The following GALNT17 variants were observed in gnomAD, a reference collection of about 807,000 sequenced individuals.
The protein encoded by GALNT17 is UDP-GalNAc:polypeptide N-acetylgalactosaminyltransferase-like 3.
Under a neutral mutation model 63.7 loss-of-function variants are expected in GALNT17, and 29 were observed. The observed-to-expected ratio is 0.46, with a 90% CI of 0.34 to 0.62. GALNT17 has a LOEUF of 0.62. Ranked by LOEUF, GALNT17 falls within the 20% of genes least tolerant of loss-of-function variation. The pLI is 0.01. For missense variants in GALNT17, 603 were observed against 799.6 expected (o/e 0.75, Z 2.97); for synonymous variants, 305 against 318.3 (o/e 0.96, Z 0.45).
chr7:71,140,538 C>T (rs1787868871), intron 1 of GALNT17, among the ~76,000 whole-genome samples: 3 of 152,170 alleles, frequency 2.0e-5, no homozygotes, highest in Admixed American at 2.0e-4. Flanking sequence ...CAGTGTCATT[C>T]TTGCTGAAGA....
intron 9 of GALNT17, among the ~76,000 whole-genome samples, chr7:71,706,331 G>A (rs1486272173): frequency 6.6e-6 from 1 of 152,114 alleles, no homozygotes; most frequent in Non-Finnish European, 1.5e-5. Context: ...GGCATTCTAG[G>A]TCTCATTGTT....
In GALNT17 at chr7:71,541,076, T is replaced by TA. The variant is rs553094056; in HGVS notation, c.963-30199dup. On this transcript the variant is annotated intron_variant, in intron 5 of 10. Coordinates refer to ENST00000333538, the MANE Select transcript of GALNT17 (RefSeq NM_022479.3). The stretch of plus-strand genomic sequence containing the variant: ...CAATATGGTGAAACCTCGTCTCTAC[T>TA]AAAAAAAAAATACAAAAATTAGCTG... Among the ~76,000 whole-genome samples the TA allele has an allele frequency of 2.8e-3, 411 of 148,454 alleles. 2 individuals carry two copies. The East Asian group carries it at 0.03, about 11-fold the overall frequency.
intron 5 of GALNT17, among the ~76,000 whole-genome samples, chr7:71,519,369 C>T (rs1466243819): frequency 1.3e-5 from 2 of 152,236 alleles, no homozygotes; most frequent in Non-Finnish European, 2.9e-5. Context: ...CTTTCACCTA[C>T]ACCACAAGTA....
At chr7:71,503,345 A>G (rs761541817) in intron 5 of GALNT17, among the ~76,000 whole-genome samples, 2 of 152,116 alleles carry the variant, frequency 1.3e-5, no homozygotes, top group African/African-American at 2.4e-5. Context: ...GGTTCAAGCT[A>G]TTCTCCTGCC....
At chr7:71,368,444 C>T (rs1335344141) in intron 2 of GALNT17, among the ~76,000 whole-genome samples, 2 of 152,244 alleles carry the variant, frequency 1.3e-5, no homozygotes, top group Non-Finnish European at 2.9e-5. Flanking sequence ...CTGTCTCCCC[C>T]TTTGCAGGCC....
intron 9 of GALNT17, among the ~76,000 whole-genome samples, chr7:71,697,401 G>C (rs1562740554): frequency 6.6e-6 from 1 of 152,102 alleles, no homozygotes; most frequent in Non-Finnish European, 1.5e-5. Context: ...GCAGGAATCG[G>C]AGGACATGCA....
Position 71,700,803 on chromosome 7 carries a change from C to T in GALNT17, c.1501-9958C>T, listed in dbSNP as rs146408986. Among the ~76,000 whole-genome samples, 352 of 152,256 alleles carry T rather than the reference C, an allele frequency of 2.3e-3. 4 individuals are homozygous for T. Among genetic ancestry groups the T allele is most frequent in the South Asian group, 3.1e-3 (15 of 4,818 alleles). On this transcript the variant is annotated intron_variant, in intron 9 of 10. Coordinates refer to ENST00000333538, the MANE Select transcript of GALNT17 (RefSeq NM_022479.3). ...ATCCTATTCTGCTTTTATGAACCAC[C>T]GTGTATTTCCTAGCAATATTTCACA...
At chr7:71,222,370 G>A (rs1437992864) in intron 1 of GALNT17, among the ~76,000 whole-genome samples, 1 of 152,026 alleles carries the variant, frequency 6.6e-6, no homozygotes, top group Non-Finnish European at 1.5e-5. Flanking sequence ...TCGGCTCACT[G>A]CAACCTCTGC....
chr7:71,240,097 T>C (rs1789965753), intron 1 of GALNT17, among the ~76,000 whole-genome samples: 2 of 152,092 alleles, frequency 1.3e-5, no homozygotes, highest in Admixed American at 6.6e-5. Flanking sequence ...CCTTAGAGGG[T>C]GGAACGTTAA....
At chr7:71,319,605 A>C (rs1456640156) in intron 1 of GALNT17, among the ~76,000 whole-genome samples, 1 of 152,136 alleles carries the variant, frequency 6.6e-6, no homozygotes, top group Admixed American at 6.6e-5. Flanking sequence ...TGACAGCTTC[A>C]TTTGGATGTC....
chr7:71,538,387 AC>A (rs1011579260), intron 5 of GALNT17, among the ~76,000 whole-genome samples: 24 of 151,890 alleles, frequency 1.6e-4, no homozygotes, highest in African/African-American at 5.8e-4. Context: ...ACGCAACATC[AC>A]CCCCTGCACT....
intron 1 of GALNT17, among the ~76,000 whole-genome samples, chr7:71,239,297 C>CCTA (rs1789950401): frequency 1.4e-5 from 2 of 146,768 alleles, no homozygotes; most frequent in African/African-American, 2.5e-5. Flanking sequence ...CTGTCTGTAC[C>CCTA]CCCCCCCAAA....
At chr7:71,311,765 G>T (rs988586690) in intron 1 of GALNT17, among the ~76,000 whole-genome samples, 3 of 152,194 alleles carry the variant, frequency 2.0e-5, no homozygotes, top group African/African-American at 4.8e-5. Flanking sequence ...ACACCATGCA[G>T]TTGCTCACCA....
At chr7:71,162,123 C>CTTT (rs1788357165) in intron 1 of GALNT17, among the ~76,000 whole-genome samples, 1 of 53,780 alleles carries the variant, frequency 1.9e-5, no homozygotes, top group African/African-American at 1.2e-4. Context: ...CTCCCTCCCT[C>CTTT]CCTTCCTTCC....
At chr7:71,609,206 C>T (rs1005252686) in intron 6 of GALNT17, among the ~76,000 whole-genome samples, 4 of 152,204 alleles carry the variant, frequency 2.6e-5, no homozygotes, top group African/African-American at 9.6e-5. Flanking sequence ...ATTTCCCCGG[C>T]ATTGGTTCGT....
chr7:71,320,172 G>C (rs968025847), intron 1 of GALNT17, among the ~76,000 whole-genome samples: 2 of 152,084 alleles, frequency 1.3e-5, no homozygotes, highest in African/African-American at 2.4e-5. Context: ...CTCTTCCCCT[G>C]AATTGTGTGC....
At chr7:71,439,657 C>T (rs1319532577) in intron 5 of GALNT17, among the ~76,000 whole-genome samples, 1 of 152,166 alleles carries the variant, frequency 6.6e-6, no homozygotes, top group Non-Finnish European at 1.5e-5. Flanking sequence ...AAGGAGCAGA[C>T]ACATTTTATT....
intron 5 of GALNT17, among the ~76,000 whole-genome samples, chr7:71,515,411 A>C (rs1297217878): frequency 6.6e-6 from 1 of 152,186 alleles, no homozygotes; most frequent in Admixed American, 6.5e-5. Flanking sequence ...GAAGCTTCTT[A>C]ATTATGTAAC....
At chr7:71,311,919 T>C (rs899280403) in intron 1 of GALNT17, among the ~76,000 whole-genome samples, 11 of 152,142 alleles carry the variant, frequency 7.2e-5, no homozygotes, top group Non-Finnish European at 1.6e-4. Context: ...GAGGTAGAAC[T>C]TGACTCTGGA....
Sources: allele counts gnomAD v4.1 joint callset (sites outside exome capture counted in the v4.1 genomes callset), GRCh38; gene constraint gnomAD v4.1.1; transcripts MANE v1.5; gene names NCBI Gene and HGNC (gene_info 2026-07-23, HGNC 2026-07-21).